Variants in DPYD observed in about 807,000 individuals in gnomAD.
The protein encoded by DPYD is dihydropyrimidine dehydrogenase [NADP(+)].
Under a neutral mutation model 116.2 loss-of-function variants are expected in DPYD, and 109 were observed. The ratio of observed to expected loss-of-function variants is 0.94; its 90% CI spans 0.80 to 1.10. The LOEUF (loss-of-function observed/expected upper bound fraction) is 1.10. Among genes scored for constraint, DPYD ranks in the 50% least tolerant of loss-of-function variants. The probability of loss-of-function intolerance (pLI) is 0.00; values close to 1 mark genes in which losing one functional copy is unlikely to be tolerated. For missense variants in DPYD, 1,302 were observed against 1,254.5 expected (o/e 1.04, Z -0.57); for synonymous variants, 440 against 432.0 (o/e 1.02, Z -0.23).
At chr1:97,628,293 C>T (rs1432654935) in intron 8 of DPYD, among the ~76,000 whole-genome samples, 3 of 152,018 alleles carry the variant, frequency 2.0e-5, no homozygotes, top group African/African-American at 4.8e-5. Flanking sequence ...CCTCATCATT[C>T]CTCCCTATAC....
chr1:97,595,605 A>G (rs1280726078), intron 8 of DPYD, among the ~76,000 whole-genome samples: 1 of 151,888 alleles, frequency 6.6e-6, no homozygotes, highest in African/African-American at 2.4e-5. Context: ...AAAGAAAAAA[A>G]TTAAAGGAAA....
chr1:97,182,261 A>G (rs901449361), intron 20 of DPYD, among the ~76,000 whole-genome samples: 2 of 152,114 alleles, frequency 1.3e-5, no homozygotes, highest in Non-Finnish European at 2.9e-5. Flanking sequence ...TTTTTACAGG[A>G]TACTTGACAC....
intron 13 of DPYD, among the ~76,000 whole-genome samples, chr1:97,475,400 T>A (rs1294425714): frequency 6.6e-6 from 1 of 151,714 alleles, no homozygotes; most frequent in African/African-American, 2.4e-5. Context: ...ATAAAAACAG[T>A]GACAATAAAT....
intron 14 of DPYD, among the ~76,000 whole-genome samples, chr1:97,383,269 G>C (rs1188548474): frequency 6.6e-6 from 1 of 151,998 alleles, no homozygotes; most frequent in African/African-American, 2.4e-5. Flanking sequence ...TTGAGGTCAG[G>C]AGTTCGAGAC....
intron 8 of DPYD, among the ~76,000 whole-genome samples, chr1:97,641,405 T>TA (rs942612303): frequency 4.6e-5 from 7 of 152,150 alleles, no homozygotes; most frequent in African/African-American, 1.7e-4. Flanking sequence ...AACCACCAAA[T>TA]AAAGAAAGAT....
intron 20 of DPYD, among the ~76,000 whole-genome samples, chr1:97,146,474 A>T (rs903985067): frequency 6.6e-6 from 1 of 152,202 alleles, no homozygotes; most frequent in Non-Finnish European, 1.5e-5. Flanking sequence ...AGGCCATACA[A>T]TACATCCTGT....
chr1:97,156,176 A>T (rs1397246077), intron 20 of DPYD, among the ~76,000 whole-genome samples: 5 of 152,164 alleles, frequency 3.3e-5, no homozygotes, highest in South Asian at 2.1e-4. Context: ...AAATGAATAA[A>T]TTTTTTTTAC....
At position 97,450,229 on chromosome 1, in the gene DPYD, G is replaced by A; in HGVS notation, c.1741-6C>T. On this transcript the variant is annotated splice_polypyrimidine_tract_variant and splice_region_variant and intron_variant, in intron 13 of 22. Coordinates refer to ENST00000370192, the MANE Select transcript of DPYD (RefSeq NM_000110.4). ...GAAACATTTGTCACAATGTCCTGATGAAAGAGTAAAGATATTGAGTCTCCT... is the reference window on the plus strand; with the variant it reads ...GAAACATTTGTCACAATGTCCTGATAAAAGAGTAAAGATATTGAGTCTCCT... The A allele has an allele frequency of 6.2e-7, 1 of 1,613,288 alleles. No homozygotes were observed. Among genetic ancestry groups the A allele is most frequent in the African/African-American group, 1.3e-5 (1 of 75,016 alleles).
intron 2 of DPYD, among the ~76,000 whole-genome samples, chr1:97,847,119 A>T (rs1670337542): frequency 6.6e-6 from 1 of 152,164 alleles, no homozygotes; most frequent in Admixed American, 6.5e-5. Flanking sequence ...TTAGAACTGG[A>T]CTATGTGAAT....
intron 15 of DPYD, among the ~76,000 whole-genome samples, chr1:97,374,181 T>C (rs946522771): frequency 1.3e-5 from 2 of 152,208 alleles, no homozygotes; most frequent in Non-Finnish European, 2.9e-5. Context: ...AAAATGTTTT[T>C]AACAGAAAAT....
At chr1:97,279,452 C>A (rs570279783) in intron 18 of DPYD, among the ~76,000 whole-genome samples, 5 of 152,228 alleles carry the variant, frequency 3.3e-5, no homozygotes, top group African/African-American at 1.2e-4. Flanking sequence ...TCCATCACAA[C>A]CCTGTGCAAT....
intron 8 of DPYD, among the ~76,000 whole-genome samples, chr1:97,617,286 A>T (rs903430672): frequency 6.6e-6 from 1 of 152,152 alleles, no homozygotes; most frequent in African/African-American, 2.4e-5. Context: ...GTCTATACAA[A>T]AACACTCAAC....
At chr1:97,617,634 C>T (rs1656372675) in intron 8 of DPYD, among the ~76,000 whole-genome samples, 1 of 152,084 alleles carries the variant, frequency 6.6e-6, no homozygotes, top group Non-Finnish European at 1.5e-5. Context: ...GATTCTATCT[C>T]TGAGAGAGGT....
intron 18 of DPYD, among the ~76,000 whole-genome samples, chr1:97,302,507 G>T (rs1189841810): frequency 3.9e-5 from 6 of 151,932 alleles, no homozygotes; most frequent in Non-Finnish European, 8.8e-5. Context: ...TAGAAAAAGT[G>T]CTTCTAAAAT....
At chr1:97,286,046 C>T (rs1311331852) in intron 18 of DPYD, among the ~76,000 whole-genome samples, 2 of 152,172 alleles carry the variant, frequency 1.3e-5, no homozygotes, top group East Asian at 3.9e-4. Context: ...CATGATTTTG[C>T]AGTGGCTGGA....
At chr1:97,413,253 T>C (rs542483732) in intron 14 of DPYD, among the ~76,000 whole-genome samples, 2 of 152,286 alleles carry the variant, frequency 1.3e-5, no homozygotes, top group South Asian at 2.1e-4. Context: ...CTCTGCTCAG[T>C]GAGGGACAGA....
At chr1:97,625,096 G>T (rs1178776142) in intron 8 of DPYD, among the ~76,000 whole-genome samples, 1 of 151,958 alleles carries the variant, frequency 6.6e-6, no homozygotes, top group African/African-American at 2.4e-5. Context: ...AAATTCCTAA[G>T]ATATTAAGTT....
intron 14 of DPYD, among the ~76,000 whole-genome samples, chr1:97,425,941 A>C (rs1674840620): frequency 6.7e-6 from 1 of 150,366 alleles, no homozygotes; most frequent in Non-Finnish European, 1.5e-5. Flanking sequence ...GAAGAAAGTA[A>C]AGCAAACATT....
intron 19 of DPYD, among the ~76,000 whole-genome samples, chr1:97,219,232 G>T (rs1207099725): frequency 6.6e-6 from 1 of 152,304 alleles, no homozygotes; most frequent in African/African-American, 2.4e-5. Flanking sequence ...CTCTTAGAGA[G>T]GTAGATGCTT....
Sources: allele counts gnomAD v4.1 joint callset (sites outside exome capture counted in the v4.1 genomes callset), GRCh38; gene constraint gnomAD v4.1.1; transcripts MANE v1.5; gene names NCBI Gene and HGNC (gene_info 2026-07-23, HGNC 2026-07-21).